Variants in ABCA3 observed in about 807,000 individuals in gnomAD.
The protein encoded by ABCA3 is phospholipid-transporting ATPase ABCA3.
In ABCA3, 88 loss-of-function variants were observed where a neutral mutation model predicts 172.8. The observed-to-expected ratio is 0.51, with a 90% CI of 0.43 to 0.61. The LOEUF (loss-of-function observed/expected upper bound fraction) is 0.61. Among genes scored for constraint, ABCA3 ranks in the 20% least tolerant of loss-of-function variants. ABCA3 has a pLI of 0.00. For missense variants in ABCA3, 2,164 were observed against 2,301.0 expected, an observed-to-expected ratio of 0.94 and a Z score of 1.22; for synonymous variants, 1,066 against 983.8, an observed-to-expected ratio of 1.08 and a Z score of -1.56.
chr16:2,296,976 C>G (rs2093680790), intron 17 of ABCA3, among the ~76,000 whole-genome samples: 1 of 152,228 alleles, frequency 6.6e-6, no homozygotes, highest in Non-Finnish European at 1.5e-5. Context: ...CTGTCAGCCC[C>G]TGCTGGCCCT....
Position 2,276,002 on chromosome 16 carries a change from A to C in ABCA3, c.*672T>G, listed in dbSNP as rs548584647. 1 of 244,988 alleles carries C rather than the reference A, an allele frequency of 4.1e-6. No homozygotes were observed. Among genetic ancestry groups the C allele is most frequent in the East Asian group, 1.3e-4 (1 of 7,858 alleles). 15.2% of individuals were successfully genotyped at this position (244,988 alleles called of 1,614,324 possible). ...GGGGCGGGCGACTTCCTGAGGGTGC[A>C]GTGCTGGAAACAGAGACTGCTTCGA... is the stretch of plus-strand genomic sequence containing the variant. On this transcript the variant is annotated 3_prime_UTR_variant, in exon 33 of 33. Coordinates refer to ENST00000301732, the MANE Select transcript of ABCA3 (RefSeq NM_001089.3).
intron 10 of ABCA3, among the ~76,000 whole-genome samples, chr16:2,314,723 T>A (rs958915548): frequency 1.5e-4 from 23 of 148,928 alleles, no homozygotes; most frequent in African/African-American, 5.7e-4. Flanking sequence ...ATTACAGGCA[T>A]GTGCCACCAC....
In ABCA3 at chr16:2,276,598, C is replaced by G. The variant is rs1006271575; in HGVS notation, c.*76G>C. ...GATTAAAAATAAAGGATGAGATAAACTTGGAGAGAGAGGATGTAAGATGGG... is the reference window on the plus strand; with the variant it reads ...GATTAAAAATAAAGGATGAGATAAAGTTGGAGAGAGAGGATGTAAGATGGG... On this transcript the variant is annotated 3_prime_UTR_variant, in exon 33 of 33. Transcript: ENST00000301732. 4.4e-6 allele frequency: 7 copies of G among 1,590,726 alleles called. No individual in the cohort carries two copies. In the African/African-American group the frequency reaches 8.1e-5, roughly 18 times the overall value.
intron 7 of ABCA3, among the ~76,000 whole-genome samples, chr16:2,322,998 A>T (rs2093728455): frequency 6.6e-6 from 1 of 152,262 alleles, no homozygotes; most frequent in African/African-American, 2.4e-5. Flanking sequence ...GGCAAAGGAT[A>T]TGAACAAACA....
At position 2,285,106 on chromosome 16, in the gene ABCA3, G is replaced by A; in HGVS notation, c.3484-108C>T. The A allele has an allele frequency of 5.5e-6, 7 of 1,264,000 alleles. No homozygotes were observed. The highest frequency in any genetic ancestry group is 1.3e-5 in the South Asian group (1 of 78,024). The allele number at this position is 1,264,000 out of a possible 1,614,324, so 78.3% of individuals were successfully genotyped here. A position where few individuals can be genotyped will look rare whatever the true frequency, so the allele number is the denominator to read the frequency against. ...GAGGTCCTCAGACCCCTCCCGGTCA[G>A]CTGGCCCATGTCCATCAGCCCCACA... On this transcript the variant is annotated intron_variant, in intron 23 of 32. Transcript: ENST00000301732. The surrounding 1 kb of genome is among the most constrained non-coding windows in gnomAD (Gnocchi z 4.7).
intron 1 of ABCA3, 98 bp from the exon 2 acceptor site, chr16:2,329,952 G>A (rs1360445255): frequency 1.3e-5 from 2 of 152,112 alleles, no homozygotes; most frequent in African/African-American, 2.4e-5. Context: ...AGATTTTGAG[G>A]ATGTTACTTA....
chr16:2,325,864 T>C, intron 5 of ABCA3, 146 bp downstream of exon 5: 6 of 1,093,418 alleles, frequency 5.5e-6, no homozygotes, highest in South Asian at 2.6e-5. Flanking sequence ...CAGGTTGAAG[T>C]AGTGATGCGG....
At position 2,301,108 on chromosome 16, in the gene ABCA3, A is replaced by G. The variant is rs376499716; in HGVS notation, c.1468-960T>C. Among the ~76,000 whole-genome samples, 1,102 of 149,766 alleles carry G rather than the reference A, an allele frequency of 7.4e-3. 5 individuals carry two copies. Among genetic ancestry groups the G allele is most frequent in the Non-Finnish European group, 0.01 (705 of 67,374 alleles). ...TAGCCGGGCGTGGTGGTGGGCGCCT[A>G]TAGTCCCAGCTACTCGGGAGGCTGA... On this transcript the variant is annotated intron_variant, in intron 12 of 32. Coordinates refer to ENST00000301732, the MANE Select transcript of ABCA3 (RefSeq NM_001089.3).
chr16:2,331,518 C>T (rs191887019), intron 1 of ABCA3, among the ~76,000 whole-genome samples: 72 of 152,328 alleles, frequency 4.7e-4, no homozygotes, highest in African/African-American at 1.7e-3. Context: ...TCTCTGTGCC[C>T]CCACGGCACC....
At position 2,326,155 on chromosome 16, in the gene ABCA3, C is replaced by G; in HGVS notation, c.174G>C (p.Pro58=). 1 of 1,614,134 alleles carries G rather than the reference C, an allele frequency of 6.2e-7. No individual in the cohort carries two copies. The highest frequency in any genetic ancestry group is 8.5e-7 in the Non-Finnish European group (1 of 1,180,050). The part of the protein sequence containing the change: ...SENVPNATIY[P]GQSIQELPLF... The stretch of plus-strand genomic sequence containing the variant: ...GAGGCAGCTCCTGGATGGACTGGCC[C>G]GGGTAGATGGTGGCGTTGGGCACAT... The change falls in exon 5 of 33, where the codon CCG becomes CCC. Residue 58 remains proline (P), a synonymous_variant. Transcript: ENST00000301732.
At chr16:2,282,628 A>G (rs2093656876) in intron 26 of ABCA3, among the ~76,000 whole-genome samples, 1 of 148,782 alleles carries the variant, frequency 6.7e-6, no homozygotes, top group African/African-American at 2.5e-5. Context: ...CCTGGGCACC[A>G]CCTCTGCTCA....
chr16:2,331,632 A>G (rs1414578491), intron 1 of ABCA3, among the ~76,000 whole-genome samples: 1 of 152,262 alleles, frequency 6.6e-6, no homozygotes, highest in Non-Finnish European at 1.5e-5. Flanking sequence ...AAGAGATCCT[A>G]GAATTACAAA....
At chr16:2,300,302 G>A (rs2093686941) in intron 12 of ABCA3, among the ~76,000 whole-genome samples, 154 bp from the exon 13 acceptor site, 1 of 151,612 alleles carries the variant, frequency 6.6e-6, no homozygotes, top group South Asian at 2.1e-4. Flanking sequence ...GAGCCCCAGA[G>A]AGTCCCAACT....
chr16:2,296,547 T>C (rs2093680057), intron 17 of ABCA3, among the ~76,000 whole-genome samples: 3 of 152,148 alleles, frequency 2.0e-5, no homozygotes, highest in Admixed American at 1.3e-4. Flanking sequence ...CATGTCCTCT[T>C]TAGAGACAAG....
In ABCA3 at chr16:2,319,730, T is replaced by C. The variant is rs538282958; in HGVS notation, c.724A>G (p.Ile242Val). ...AACGGCGGGTACGGGAACCTCTTGA[T>C]GGTCACCGTCAGTCTCTGGAACAGC... ...RQLFQRLTVTIKRFPYPPFIA... is the reference protein window; with the variant it reads ...RQLFQRLTVTVKRFPYPPFIA... The change falls in exon 8 of 33, where the codon ATC becomes GTC. Residue 242 changes from isoleucine to valine, a missense_variant. Ile to Val is a conservative substitution (Grantham distance 29, BLOSUM62 3). This residue lies in a region of ABCA3 where 1,343 missense variants were observed against 1,369.6 expected (regional missense o/e 0.98). Transcript: ENST00000301732. The C allele has an allele frequency of 7.4e-6, 12 of 1,613,856 alleles. No homozygotes were observed. Among genetic ancestry groups the C allele is most frequent in the Non-Finnish European group, 9.3e-6 (11 of 1,179,996 alleles).
chr16:2,321,680 C>T (rs565476152), intron 7 of ABCA3, among the ~76,000 whole-genome samples: 1 of 152,210 alleles, frequency 6.6e-6, no homozygotes, highest in East Asian at 1.9e-4. Flanking sequence ...TCAGAGGAGG[C>T]ACACGTACCA....
chr16:2,289,399 T>TCCCCCC, intron 20 of ABCA3, 35 bp downstream of exon 20: 4 of 1,544,350 alleles, frequency 2.6e-6, no homozygotes, highest in Non-Finnish European at 3.5e-6. Flanking sequence ...TGCTCGCCCT[T>TCCCCCC]CCCCCGCCAC....
At chr16:2,327,370 G>A (rs1169046707) in intron 3 of ABCA3, among the ~76,000 whole-genome samples, 1 of 152,196 alleles carries the variant, frequency 6.6e-6, no homozygotes, top group Non-Finnish European at 1.5e-5. Context: ...GTTCTTGGTG[G>A]TTAATATGGA....
In ABCA3 at chr16:2,285,607, G is replaced by C; in HGVS notation, c.3318C>G (p.Phe1106Leu). ...KGFDIALNLL[F>L]AMAFLASTFS... ...ACGTGCTGGCCAAGAATGCCATGGCGAAGAGCAGGTTGAGGGCAATGTCGA... is the reference window on the plus strand; with the variant it reads ...ACGTGCTGGCCAAGAATGCCATGGCCAAGAGCAGGTTGAGGGCAATGTCGA... The change falls in exon 23 of 33, where the codon TTC becomes TTG. Residue 1106 changes from phenylalanine to leucine, a missense_variant. Phe to Leu is a conservative substitution (Grantham distance 22, BLOSUM62 0). Coordinates refer to ENST00000301732, the MANE Select transcript of ABCA3 (RefSeq NM_001089.3). This position sits in a 1 kb window ranked among gnomAD's most constrained non-coding sequence, Gnocchi z 4.7. 6.4e-7 allele frequency: 1 copy of C among 1,557,128 alleles called. No homozygotes were observed. The highest frequency in any genetic ancestry group is 1.9e-5 in the Admixed American group (1 of 51,550).
Sources: gnomAD v4.1 joint callset for allele counts (sites outside exome capture counted in the v4.1 genomes callset) on GRCh38, gnomAD v4.1.1 for gene constraint, gnomAD v4.1.1 regional missense constraint, Gnocchi (gnomAD v3.1) non-coding constraint, MANE v1.5 for transcripts, NCBI Gene and HGNC (gene_info 2026-07-23, HGNC 2026-07-21) for gene names.